Variants in CDKL1 observed in about 807,000 individuals in gnomAD.
CDKL1 encodes cyclin-dependent kinase-like 1.
CDKL1 carries 41 observed loss-of-function variants against 42.0 expected under a neutral mutation model. That is an observed-to-expected ratio of 0.98 (90% CI 0.76 to 1.27). The LOEUF is 1.27. CDKL1 is among the 50% of genes most tolerant of loss of function. The pLI, the probability that CDKL1 is intolerant of heterozygous loss-of-function variation, is 0.00. For missense variants in CDKL1, 394 were observed against 428.4 expected (o/e 0.92, Z 0.71); for synonymous variants, 153 against 158.6 (o/e 0.96, Z 0.26).
intron 2 of CDKL1, among the ~76,000 whole-genome samples, chr14:50,379,129 G>T (rs1054542808): frequency 6.6e-6 from 1 of 152,216 alleles, no homozygotes; most frequent in Non-Finnish European, 1.5e-5. Context: ...TGGGATTACA[G>T]GTGTGAGCCA....
intron 2 of CDKL1, chr14:50,362,084 G>T (rs1348120395): frequency 4.9e-4 from 121 of 244,850 alleles, no homozygotes; most frequent in Non-Finnish European, 5.0e-5. Flanking sequence ...CAGCTGCTGT[G>T]CTCGACTTCT....
At chr14:50,333,997 TC>T (rs2033116283) in intron 8 of CDKL1, 1 of 151,898 alleles carries the variant, frequency 6.6e-6, no homozygotes, top group South Asian at 2.1e-4. Flanking sequence ...AAGAAAAAGT[TC>T]CCTTTGTAAA....
intron 2 of CDKL1, among the ~76,000 whole-genome samples, chr14:50,391,885 C>T (rs1048452838): frequency 2.0e-5 from 3 of 152,206 alleles, no homozygotes; most frequent in Non-Finnish European, 4.4e-5. Flanking sequence ...CAGCCCACAT[C>T]TTTACGAACA....
At chr14:50,379,142 G>A (rs1595361458) in intron 2 of CDKL1, among the ~76,000 whole-genome samples, 1 of 152,214 alleles carries the variant, frequency 6.6e-6, no homozygotes, top group East Asian at 1.9e-4. Context: ...GTGAGCCACA[G>A]CACACAGGAG....
chr14:50,397,083 G>C, upstream of CDKL1: 2 of 1,347,774 alleles, frequency 1.5e-6, no homozygotes, highest in Non-Finnish European at 2.0e-6. Flanking sequence ...GCTGCCGGGA[G>C]AGCAGACCTG....
intron 2 of CDKL1, among the ~76,000 whole-genome samples, chr14:50,389,426 T>A (rs2035186760): frequency 6.6e-6 from 1 of 152,178 alleles, no homozygotes; most frequent in Non-Finnish European, 1.5e-5. Context: ...AAATATACTA[T>A]ATATCTGTAT....
rs2033074279 is a variant in CDKL1 at position 50,333,341 on chromosome 14, T to A, written c.796-909A>T. The A allele has an allele frequency of 2.0e-5, 3 of 152,200 alleles. No individual in the cohort carries two copies. In the South Asian group the frequency reaches 6.2e-4, roughly 32 times the overall value. The allele number at this position is 152,200 out of a possible 1,614,324, so 9.4% of individuals were successfully genotyped here. A position where few individuals can be genotyped will look rare whatever the true frequency, so the allele number is the denominator to read the frequency against. On this transcript the variant is annotated intron_variant, in intron 8 of 9. Transcript: ENST00000395834. The stretch of plus-strand genomic sequence containing the variant: ...AAAACCAAGATGGTGATGAAAGTGA[T>A]GTCTGGTTGTCCTCACTCCTCGTTG...
chr14:50,374,761 G>C (rs530603746), intron 2 of CDKL1, among the ~76,000 whole-genome samples: 1 of 152,338 alleles, frequency 6.6e-6, no homozygotes, highest in Middle Eastern at 3.4e-3. Context: ...TCTGTCAGCT[G>C]AAAGGGCCTA....
intron 9 of CDKL1, chr14:50,332,021 G>C: frequency 6.5e-7 from 1 of 1,537,192 alleles, no homozygotes; most frequent in Non-Finnish European, 8.7e-7. Context: ...TGCTCATGCA[G>C]GCTGGAAACC....
intron 5 of CDKL1, 45 bp downstream of exon 5, chr14:50,342,087 C>T (rs745385456): frequency 1.3e-6 from 2 of 1,518,364 alleles, no homozygotes; most frequent in East Asian, 4.5e-5. Context: ...GTATCAAGAA[C>T]TTTTTCATTT....
At chr14:50,336,225 G>A (rs750392261) in intron 7 of CDKL1, 4 of 1,322,908 alleles carry the variant, frequency 3.0e-6, no homozygotes, top group South Asian at 2.4e-5. Context: ...GAGGGACTGG[G>A]GCACAGATGT....
chr14:50,351,872 T>A (rs1449039365), intron 3 of CDKL1, among the ~76,000 whole-genome samples: 3 of 152,130 alleles, frequency 2.0e-5, no homozygotes, highest in African/African-American at 7.2e-5. Flanking sequence ...TGCTCAGCTA[T>A]AAGTAATATT....
At chr14:50,351,431 C>G (rs1395095933) in intron 3 of CDKL1, among the ~76,000 whole-genome samples, 2 of 151,968 alleles carry the variant, frequency 1.3e-5, no homozygotes, top group Non-Finnish European at 2.9e-5. Flanking sequence ...CATTGAGAGG[C>G]TATTAAAATG....
intron 3 of CDKL1, among the ~76,000 whole-genome samples, chr14:50,355,647 C>G (rs2034033245): frequency 6.6e-6 from 1 of 152,160 alleles, no homozygotes; most frequent in African/African-American, 2.4e-5. Context: ...GAGGAAGGCC[C>G]AGCTCTTGCC....
At chr14:50,367,323 C>T (rs749854673) in intron 2 of CDKL1, among the ~76,000 whole-genome samples, 6 of 152,146 alleles carry the variant, frequency 3.9e-5, no homozygotes, top group African/African-American at 9.7e-5. Context: ...GTGGTGAGAC[C>T]AGAAGCCAGA....
At chr14:50,333,496 G>GA (rs1351636925) in intron 8 of CDKL1, 1 of 150,532 alleles carries the variant, frequency 6.6e-6, no homozygotes, top group African/African-American at 2.4e-5. Flanking sequence ...CTCAGTTCCA[G>GA]AAAATCCCTG....
At chr14:50,377,779 T>G (rs747225527) in intron 2 of CDKL1, 2 of 1,129,502 alleles carry the variant, frequency 1.8e-6, no homozygotes, top group African/African-American at 3.3e-5. Flanking sequence ...TGGGAAGTAT[T>G]GAATAAGCTG....
intron 2 of CDKL1, among the ~76,000 whole-genome samples, chr14:50,376,957 C>G (rs890890344): frequency 6.6e-6 from 1 of 152,122 alleles, no homozygotes; most frequent in African/African-American, 2.4e-5. Context: ...GAAAAAAGAT[C>G]TGAAGAAGGT....
At position 50,378,603 on chromosome 14, in the gene CDKL1, C is replaced by T. The variant is rs111376373; in HGVS notation, c.168+17098G>A. The stretch of plus-strand genomic sequence containing the variant: ...GGCTGGAGTGCAGTGGCATGATCAT[C>T]GCTCCCTGCAGCCTTGAACTCCTAG... On this transcript the variant is annotated intron_variant, in intron 2 of 9. Transcript: ENST00000395834. Among the ~76,000 whole-genome samples the T allele has an allele frequency of 7.9e-3, 1,183 of 149,704 alleles. 9 individuals carry two copies. The highest frequency in any genetic ancestry group is 0.028 in the African/African-American group (1,129 of 40,788).
Sources: gnomAD v4.1 joint callset for allele counts (sites outside exome capture counted in the v4.1 genomes callset) on GRCh38, gnomAD v4.1.1 for gene constraint, MANE v1.5 for transcripts, NCBI Gene and HGNC (gene_info 2026-07-23, HGNC 2026-07-21) for gene names.